The following ABL2 variants were observed in gnomAD, a reference collection of about 807,000 sequenced individuals.
ABL2 encodes tyrosine-protein kinase ABL2.
Under a neutral mutation model 107.7 loss-of-function variants are expected in ABL2, and 49 were observed. The ratio of observed to expected loss-of-function variants is 0.45; its 90% confidence interval spans 0.36 to 0.58. ABL2 has a LOEUF of 0.58. ABL2 is among the 20% of genes least tolerant of loss of function. The probability of loss-of-function intolerance (pLI) is 0.00; values close to 1 mark genes in which losing one functional copy is unlikely to be tolerated. For synonymous variants in ABL2, 549 were observed against 548.6 expected (o/e 1.00, Z -0.01); for missense variants, 1,245 against 1,457.0 (o/e 0.85, Z 2.37).
chr1:179,200,827 CA>C (rs1661627509), intron 1 of ABL2, among the ~76,000 whole-genome samples: 1 of 152,164 alleles, frequency 6.6e-6, no homozygotes, highest in Non-Finnish European at 1.5e-5. Context: ...GTACATGGGG[CA>C]ATGTCCAGAG....
rs1420205736 is a variant in ABL2 at position 179,099,658 on chromosome 1, G to A, written c.*8060C>T. 1 of 231,318 alleles carries A rather than the reference G, an allele frequency of 4.3e-6. No homozygotes were observed. The highest frequency in any genetic ancestry group is 8.6e-6 in the Non-Finnish European group (1 of 116,926). 14.3% of individuals were successfully genotyped at this position (231,318 alleles called of 1,614,324 possible). A position where few individuals can be genotyped will look rare whatever the true frequency, so the allele number is the denominator to read the frequency against. The stretch of plus-strand genomic sequence containing the variant: ...CGATGCTCCAAACCTCACCCTCTGT[G>A]CACCACATACACACCTGCGGGGCGG... On this transcript the variant is annotated 3_prime_UTR_variant, in exon 12 of 12. Transcript: ENST00000502732.
intron 1 of ABL2, among the ~76,000 whole-genome samples, chr1:179,145,339 C>T (rs1328853204): frequency 1.3e-5 from 2 of 152,076 alleles, no homozygotes; most frequent in Non-Finnish European, 2.9e-5. Context: ...ATTAAAATTA[C>T]TAAGGTCTCC....
chr1:179,194,846 A>G (rs1468509741), intron 1 of ABL2, among the ~76,000 whole-genome samples: 1 of 152,246 alleles, frequency 6.6e-6, no homozygotes, highest in African/African-American at 2.4e-5. Flanking sequence ...TATAAAACAA[A>G]GACCAACAAG....
rs149868958 is a variant in ABL2, at chr1:179,117,662, A to G, written c.1224-146T>C. On this transcript the variant is annotated intron_variant, in intron 7 of 11. Transcript: ENST00000502732. ...ATCTTCTGATAATCACTAACACCTTAGAAAGCCACTAATGATATGTCACTG... is the reference window on the plus strand; with the variant it reads ...ATCTTCTGATAATCACTAACACCTTGGAAAGCCACTAATGATATGTCACTG... 136 of 719,780 alleles carry G rather than the reference A, an allele frequency of 1.9e-4. No individual in the cohort carries two copies. In the East Asian group the frequency reaches 2.0e-3, roughly 11 times the overall value. 44.6% of individuals were successfully genotyped at this position (719,780 alleles called of 1,614,324 possible).
At chr1:179,112,443 C>A in intron 9 of ABL2, 45 bp from the exon 10 acceptor site, 1 of 1,474,728 alleles carries the variant, frequency 6.8e-7, no homozygotes, top group Non-Finnish European at 9.5e-7. Flanking sequence ...TGCAGAAATT[C>A]AATATCCAGT....
intron 1 of ABL2, among the ~76,000 whole-genome samples, chr1:179,202,522 G>A (rs1355411777): frequency 6.6e-6 from 1 of 152,156 alleles, no homozygotes; most frequent in Non-Finnish European, 1.5e-5. Flanking sequence ...TTAAAAAATA[G>A]GAAAGGAGCC....
At chr1:179,167,966 A>C (rs1261902163) in intron 1 of ABL2, among the ~76,000 whole-genome samples, 1 of 152,210 alleles carries the variant, frequency 6.6e-6, no homozygotes, top group African/African-American at 2.4e-5. Context: ...GTGACACAGC[A>C]AGACTCCATC....
intron 1 of ABL2, among the ~76,000 whole-genome samples, chr1:179,159,482 G>A (rs543770893): frequency 6.6e-6 from 1 of 152,328 alleles, no homozygotes; most frequent in East Asian, 1.9e-4. Context: ...CAGCTGATTT[G>A]TTGATTTTCT....
intron 1 of ABL2, among the ~76,000 whole-genome samples, chr1:179,138,882 G>A (rs532106465): frequency 7.9e-5 from 12 of 152,342 alleles, no homozygotes; most frequent in Non-Finnish European, 1.3e-4. Flanking sequence ...CCGCGCTTGC[G>A]GGCCAGCTGG....
intron 4 of ABL2, 31 bp from the exon 5 acceptor site, chr1:179,121,898 T>C (rs1250595026): frequency 2.1e-5 from 28 of 1,309,810 alleles, no homozygotes; most frequent in Non-Finnish European, 2.7e-5. Context: ...GCTAAACAAC[T>C]TGAAAAGAGA....
At chr1:179,178,387 G>A (rs926050784) in intron 1 of ABL2, among the ~76,000 whole-genome samples, 2 of 52,738 alleles carry the variant, frequency 3.8e-5, no homozygotes, top group Non-Finnish European at 9.8e-5. Context: ...GGGTGACAGA[G>A]CAAGACTCTG....
chr1:179,111,753 A>T (rs1235042447), intron 10 of ABL2, among the ~76,000 whole-genome samples: 3 of 152,130 alleles, frequency 2.0e-5, no homozygotes, highest in African/African-American at 7.2e-5. Flanking sequence ...ATGTCAATAT[A>T]TCCAAGAAGG....
At chr1:179,135,420 G>A (rs1656794484) in intron 1 of ABL2, among the ~76,000 whole-genome samples, 1 of 150,136 alleles carries the variant, frequency 6.7e-6, no homozygotes, top group Admixed American at 6.6e-5. Context: ...CTGCCCGGCC[G>A]CCCCGTCTGA....
At chr1:179,110,711 C>T (rs1653970785) in intron 10 of ABL2, 1 of 1,606,048 alleles carries the variant, frequency 6.2e-7, no homozygotes, top group Non-Finnish European at 8.5e-7. Context: ...TACCACAATC[C>T]ACCTGTTCTC....
At chr1:179,118,799 T>C (rs2171959) in intron 6 of ABL2, 35 bp from the exon 7 acceptor site, 1,006,556 of 1,604,192 alleles carry the variant, frequency 0.63, 317,921 homozygotes, top group Middle Eastern at 0.76. Flanking sequence ...TTTTTATTAG[T>C]GTACATTCAA....
chr1:179,105,109 T>A lies in ABL2; in HGVS notation c.*2609A>T. ...CAATAGTCAATGCCACTCTTGACAG[T>A]GTTGACAAAAATCAATTCCATTTAT... On this transcript the variant is annotated 3_prime_UTR_variant, in exon 12 of 12. Coordinates refer to ENST00000502732, the MANE Select transcript of ABL2 (RefSeq NM_007314.4). 1 of 230,662 alleles carries A rather than the reference T, an allele frequency of 4.3e-6. No homozygotes were observed. Among genetic ancestry groups the A allele is most frequent in the Non-Finnish European group, 8.6e-6 (1 of 116,426 alleles). The allele number at this position is 230,662 out of a possible 1,614,324, so 14.3% of individuals were successfully genotyped here. A position where few individuals can be genotyped will look rare whatever the true frequency, so the allele number is the denominator to read the frequency against.
intron 1 of ABL2, among the ~76,000 whole-genome samples, chr1:179,173,358 ATTTTT>A (rs554479137): frequency 1.9e-5 from 2 of 106,138 alleles, no homozygotes; most frequent in Admixed American, 1.2e-4. Flanking sequence ...AAAGGCTGTA[ATTTTT>A]TTTTTTTTTT....
At chr1:179,152,542 GTGTGTGCATGTGCA>G (rs926685212) in intron 1 of ABL2, among the ~76,000 whole-genome samples, 1 of 152,134 alleles carries the variant, frequency 6.6e-6, no homozygotes, top group African/African-American at 2.4e-5. Context: ...AGATGACTGT[GTGTGTGCATGTGCA>G]TGTGTGCGTT....
rs1553233772 is a variant in ABL2, at chr1:179,213,061, A to AAG, written c.157+16179_157+16180insCT. Among the ~76,000 whole-genome samples, 154 of 148,284 alleles carry AAG rather than the reference A, an allele frequency of 1.0e-3. 1 individual carries two copies. The highest frequency in any genetic ancestry group is 1.6e-3 in the Non-Finnish European group (108 of 67,174). ...AACTCCGTCTCAAAAAAAAAAAAAA[A>AAG]AAAGAAATATAATGCAAGCTACAAA... On this transcript the variant is annotated intron_variant, in intron 1 of 11. Coordinates refer to ENST00000502732, the MANE Select transcript of ABL2 (RefSeq NM_007314.4).
Sources: gnomAD v4.1 joint callset for allele counts (sites outside exome capture counted in the v4.1 genomes callset) on GRCh38, gnomAD v4.1.1 for gene constraint, MANE v1.5 for transcripts, NCBI Gene and HGNC (gene_info 2026-07-23, HGNC 2026-07-21) for gene names.